KRT39: variants seen among roughly 807,000 people sequenced by gnomAD.
The protein encoded by KRT39 is keratin 39.
KRT39 carries 47 observed loss-of-function variants against 54.8 expected under a neutral mutation model. The observed-to-expected ratio is 0.86, with a 90% CI of 0.68 to 1.09. The LOEUF is 1.09. KRT39 is among the 50% of genes least tolerant of loss of function. The pLI, the probability that KRT39 is intolerant of heterozygous loss-of-function variation, is 0.00. For synonymous variants in KRT39, 207 were observed against 227.9 expected (o/e 0.91, Z 0.83); for missense variants, 580 against 598.5 (o/e 0.97, Z 0.32).
intron 6 of KRT39, among the ~76,000 whole-genome samples, chr17:40,959,364 G>A (rs184239410): frequency 1.2e-4 from 18 of 152,334 alleles, no homozygotes; most frequent in African/African-American, 4.3e-4. Context: ...GTGGTGGCCT[G>A]AACCCCAGCT....
In KRT39 at chr17:40,963,812, C is replaced by T. The variant is rs374474343; in HGVS notation, c.552-29G>A. On this transcript the variant is annotated intron_variant, in intron 2 of 6. Coordinates refer to ENST00000355612, the MANE Select transcript of KRT39 (RefSeq NM_213656.4). ...TAAAAACCAGATGGGAAAAGAGAGACATCTGAAAGGAGATGATGCAAACCA... is the reference window on the plus strand; with the variant it reads ...TAAAAACCAGATGGGAAAAGAGAGATATCTGAAAGGAGATGATGCAAACCA... 7 of 1,551,386 alleles carry T rather than the reference C, an allele frequency of 4.5e-6. No individual in the cohort carries two copies. In the East Asian group the frequency reaches 9.1e-5, roughly 20 times the overall value.
In KRT39 at chr17:40,966,886, G is replaced by A. The variant is rs111441819; in HGVS notation, c.-30C>T. 0.015 allele frequency: 23,005 copies of A among 1,517,492 alleles called. 425 individuals carry two copies. The highest frequency in any genetic ancestry group is 0.071 in the African/African-American group (5,207 of 72,918). 94.0% of individuals were successfully genotyped at this position (1,517,492 alleles called of 1,614,324 possible). ...TGTGTCTGGCTTTAGTTTGTTCCAG[G>A]TCTGTGGTCACCAGGATGAAAAGCT... On this transcript the variant is annotated 5_prime_UTR_variant, in exon 1 of 7. Transcript: ENST00000355612.
chr17:40,964,844 C>T (rs549895463), intron 1 of KRT39, among the ~76,000 whole-genome samples: 277 of 152,052 alleles, frequency 1.8e-3, no homozygotes, highest in African/African-American at 6.2e-3. Context: ...GGGCGGATCA[C>T]GAGGTCAAGA....
chr17:40,963,575 A>G, intron 3 of KRT39, 52 bp downstream of exon 3: 1 of 1,523,220 alleles, frequency 6.6e-7, no homozygotes, highest in Non-Finnish European at 9.0e-7. Flanking sequence ...AAAGGAACTG[A>G]TGCTACTTTT....
intron 6 of KRT39, 107 bp downstream of exon 6, chr17:40,960,174 T>A (rs933530948): frequency 3.4e-5 from 32 of 933,210 alleles, no homozygotes; most frequent in Non-Finnish European, 5.0e-5. Context: ...TCCCCATCAC[T>A]GGCAAGAAGG....
Position 40,958,580 on chromosome 17 carries a change from C to T in KRT39, c.*21G>A, listed in dbSNP as rs1305744814. 1.9e-6 allele frequency: 3 copies of T among 1,575,286 alleles called. No homozygotes were observed. The highest frequency in any genetic ancestry group is 2.7e-5 in the African/African-American group (2 of 73,642). On this transcript the variant is annotated 3_prime_UTR_variant, in exon 7 of 7. Transcript: ENST00000355612. The stretch of plus-strand genomic sequence containing the variant: ...TGGCCTCTGTTTCATAAATGTGGGT[C>T]ATTTTCATCACCTTGGGATGTTAGA...
chr17:40,959,717 A>G (rs1265456031), intron 6 of KRT39, among the ~76,000 whole-genome samples: 1 of 152,222 alleles, frequency 6.6e-6, no homozygotes, highest in Non-Finnish European at 1.5e-5. Flanking sequence ...TCCTCCATAT[A>G]TGTTTACTTA....
chr17:40,962,799 G>A (rs1911210442), intron 3 of KRT39, among the ~76,000 whole-genome samples: 1 of 152,174 alleles, frequency 6.6e-6, no homozygotes, highest in South Asian at 2.1e-4. Context: ...CAAGACCAGA[G>A]TTCCAAAAAA....
rs1274476748 is a variant in KRT39, at chr17:40,958,834, T to C, written c.1243A>G (p.Lys415Glu). Residue 415 changes from lysine (K) to glutamate (E), a missense_variant, in exon 7 of 7, where the codon AAA becomes GAA. By Grantham distance (56) the Lys-to-Glu change is moderately conservative (BLOSUM62 1). Transcript: ENST00000355612. ...GATGTCCAAGGGGAAGGCTCACATT[T>C]GGTGGCACGTGGGTAACAGGGACGC... ...GKRPCYPRAT[K>E]CEPSPWTSCK... 6.2e-7 allele frequency: 1 copy of C among 1,608,142 alleles called. No homozygotes were observed. Among genetic ancestry groups the C allele is most frequent in the East Asian group, 2.2e-5 (1 of 44,664 alleles).
At chr17:40,964,387 G>C in intron 2 of KRT39, 59 bp downstream of exon 2, 1 of 1,423,742 alleles carries the variant, frequency 7.0e-7, no homozygotes, top group Non-Finnish European at 9.9e-7. Context: ...TTTGTTGAGG[G>C]CATCTCGGTC....
intron 2 of KRT39, chr17:40,964,196 A>T (rs1185336505): frequency 3.9e-6 from 2 of 517,094 alleles, no homozygotes; most frequent in Non-Finnish European, 6.8e-6. Context: ...ACAATATATT[A>T]GTCCTATCTA....
chr17:40,958,873 A>T lies in KRT39; in HGVS notation c.1218-14T>A. On this transcript the variant is annotated splice_polypyrimidine_tract_variant and intron_variant, in intron 6 of 6. Coordinates refer to ENST00000355612, the MANE Select transcript of KRT39 (RefSeq NM_213656.4). ...TAACAGGGACGCCTAAGGAAAAAAA[A>T]CACAATTTTAGCTGTGATTGAGGGA... The T allele has an allele frequency of 6.4e-7, 1 of 1,564,102 alleles. No individual in the cohort carries two copies. Among genetic ancestry groups the T allele is most frequent in the Non-Finnish European group, 8.6e-7 (1 of 1,156,382 alleles).
In KRT39 at chr17:40,958,716, AG is replaced by A; in HGVS notation, c.1360del (p.Leu454CysfsTer43). 2 of 1,614,098 alleles carry A rather than the reference AG, an allele frequency of 1.2e-6. No individual in the cohort carries two copies. Among genetic ancestry groups the A allele is most frequent in the Middle Eastern group, 3.3e-4 (2 of 6,060 alleles). On this transcript the variant is annotated frameshift_variant, in exon 7 of 7. Coordinates refer to ENST00000355612, the MANE Select transcript of KRT39 (RefSeq NM_213656.4). LOFTEE classifies it high-confidence loss of function. ...LKEHCSACGPLSRILVKICTI... is the reference protein window; with the variant it reads ...LKEHCSACGPXSRILVKICTI... ...GCAAATTTTAACCAGTATCCGGGAC[AG>A]GGGTCCGCAGGCACTGCAGTGCTCC...
chr17:40,965,500 C>T (rs6503566), intron 1 of KRT39, among the ~76,000 whole-genome samples: 62,731 of 152,104 alleles, frequency 0.41, 16,079 homozygotes, highest in African/African-American at 0.74. Flanking sequence ...CCAATATTTT[C>T]CCAGAATCTA....
At chr17:40,962,611 C>T (rs1429710318) in intron 3 of KRT39, 48 bp from the exon 4 acceptor site, 1 of 1,525,826 alleles carries the variant, frequency 6.6e-7, no homozygotes, top group African/African-American at 1.4e-5. Context: ...CAGATAACCC[C>T]TTTGTGTTCT....
intron 6 of KRT39, among the ~76,000 whole-genome samples, chr17:40,959,532 T>A (rs1158295399): frequency 1.3e-5 from 2 of 152,226 alleles, no homozygotes; most frequent in African/African-American, 4.8e-5. Flanking sequence ...TGGTATATGA[T>A]CACAGCTCCT....
Position 40,961,153 on chromosome 17 carries a change from T to C in KRT39, c.997-652A>G, listed in dbSNP as rs143557832. Among the ~76,000 whole-genome samples, 186 of 149,434 alleles carry C rather than the reference T, an allele frequency of 1.2e-3. 1 individual carries two copies. In the East Asian group the frequency reaches 0.034, roughly 27 times the overall value. The stretch of plus-strand genomic sequence containing the variant: ...TCAAAAAGAAAAAAAAAAAAAAGCA[T>C]TACCATGGCACTTCATTCAGTGAGT... On this transcript the variant is annotated intron_variant, in intron 5 of 6. Transcript: ENST00000355612.
At chr17:40,961,329 G>T (rs184276591) in intron 5 of KRT39, among the ~76,000 whole-genome samples, 1 of 152,182 alleles carries the variant, frequency 6.6e-6, no homozygotes, top group East Asian at 1.9e-4. Flanking sequence ...GATAATGATG[G>T]GATTTTAGGT....
intron 2 of KRT39, 67 bp from the exon 3 acceptor site, chr17:40,963,850 C>G (rs1911256997): frequency 7.6e-7 from 1 of 1,308,954 alleles, no homozygotes; most frequent in Non-Finnish European, 1.1e-6. Context: ...CCAAGCAGAA[C>G]TCTCATCTGC....
Sources: gnomAD v4.1 joint callset for allele counts (sites outside exome capture counted in the v4.1 genomes callset) on GRCh38, gnomAD v4.1.1 for gene constraint, MANE v1.5 for transcripts, NCBI Gene and HGNC (gene_info 2026-07-23, HGNC 2026-07-21) for gene names.